The following CNGA2 variants were observed in gnomAD, a reference collection of about 807,000 sequenced individuals.
The protein encoded by CNGA2 is cyclic nucleotide gated channel subunit alpha 2.
In CNGA2, 22 loss-of-function variants were observed where a neutral mutation model predicts 35.9. That is an observed-to-expected ratio of 0.61 (90% confidence interval 0.44 to 0.88). CNGA2 has a LOEUF of 0.88. CNGA2 is among the 40% of genes least tolerant of loss of function. The probability of loss-of-function intolerance (pLI) is 0.00; values close to 1 mark genes in which losing one functional copy is unlikely to be tolerated. For synonymous variants in CNGA2, 217 were observed against 209.2 expected, an observed-to-expected ratio of 1.04 and a Z score of -0.32; for missense variants, 555 against 530.8, an observed-to-expected ratio of 1.05 and a Z score of -0.45.
chrX:151,738,594 G>A lies in CNGA2; in HGVS notation c.110+1G>A. The A allele has an allele frequency of 1.7e-6, 2 of 1,197,808 alleles. No individual in the cohort carries two copies. Among genetic ancestry groups the A allele is most frequent in the South Asian group, 1.8e-5 (1 of 56,429 alleles). Reference sequence around the variant, plus strand: ...AAGATGACCACAGGACAAGCAGCAGGTGAGTCTGCATGGTATCAGGGAAGG... The same window carrying A: ...AAGATGACCACAGGACAAGCAGCAGATGAGTCTGCATGGTATCAGGGAAGG... On this transcript the variant is annotated splice_donor_variant, in intron 2 of 6. Transcript: ENST00000329903. LOFTEE classifies it high-confidence loss of function.
intron 6 of CNGA2, among the ~76,000 whole-genome samples, 169 bp from the exon 7 acceptor site, chrX:151,742,924 G>A (rs1413583339): frequency 1.8e-3 from 106 of 60,252 alleles, no homozygotes; most frequent in African/African-American, 0.011. Context: ...CTATAGGGAA[G>A]GATATATATA....
chrX:151,742,615 G>A lies in CNGA2; in HGVS notation c.562G>A (p.Ala188Thr). 8.3e-7 allele frequency: 1 copy of A among 1,208,174 alleles called. No individual in the cohort carries two copies. Among genetic ancestry groups the A allele is most frequent in the Non-Finnish European group, 1.1e-6 (1 of 893,577 alleles). The change falls in exon 6 of 7, where the codon GCG becomes ACG. Residue 188 changes from alanine to threonine, a missense_variant. Transcript: ENST00000329903. The stretch of plus-strand genomic sequence containing the variant: ...TTATGTCTCAGATGTGGTCTACATT[G>A]CGGACCTCTTCATCCGATTGCGCAC... ...LDYVSDVVYI[A>T]DLFIRLRTGF... is the part of the protein sequence containing the mutation.
rs760240751 is a variant in CNGA2 at position 151,744,046 on chromosome X, G to T, written c.1543G>T (p.Ala515Ser). 4.1e-6 allele frequency: 5 copies of T among 1,209,227 alleles called. No homozygotes were observed. Among genetic ancestry groups the T allele is most frequent in the Non-Finnish European group, 5.6e-6 (5 of 895,156 alleles). ...DGVTQYALLS[A>S]GSCFGEISIL... ...TGTGACTCAGTATGCTCTGCTGTCG[G>T]CTGGAAGCTGCTTTGGCGAGATCAG... The change falls in exon 7 of 7, where the codon GCT becomes TCT. Residue 515 changes from alanine (A) to serine (S), a missense_variant. Coordinates refer to ENST00000329903, the MANE Select transcript of CNGA2 (RefSeq NM_005140.3).
In CNGA2 at chrX:151,743,831, A is replaced by G. The variant is rs773897889; in HGVS notation, c.1328A>G (p.Asn443Ser). 1.7e-6 allele frequency: 2 copies of G among 1,209,844 alleles called. No homozygotes were observed. The highest frequency in any genetic ancestry group is 1.1e-6 in the Non-Finnish European group (1 of 895,264). The change falls in exon 7 of 7, where the codon AAT (asparagine) becomes AGT (serine). Residue 443 changes from asparagine to serine, a missense_variant. By Grantham distance (46) the Asn-to-Ser change is conservative. Transcript: ENST00000329903. ...AAGCTCAGGGCTGAGATAGCCATCA[A>G]TGTCCACTTGTCCACACTCAAGAAA... Reference protein sequence around the residue: ...PAKLRAEIAINVHLSTLKKVR... With the variant: ...PAKLRAEIAISVHLSTLKKVR...
Position 151,743,355 on chromosome X carries a change from C to A in CNGA2, c.852C>A (p.Val284=), listed in dbSNP as rs147677240. The change falls in exon 7 of 7, where the codon GTC becomes GTA. Residue 284 remains valine (V), a synonymous_variant. Coordinates refer to ENST00000329903, the MANE Select transcript of CNGA2 (RefSeq NM_005140.3). ...GCAACCTTGTCCTCTACATCTTGGT[C>A]ATCATCCACTGGAATGCCTGCATCT... ...RISNLVLYIL[V]IIHWNACIYY... 1 of 1,206,430 alleles carries A rather than the reference C, an allele frequency of 8.3e-7. No homozygotes were observed. Among genetic ancestry groups the A allele is most frequent in the East Asian group, 3.0e-5 (1 of 33,614 alleles).
In CNGA2 at chrX:151,744,151, T is replaced by C. The variant is rs1221020217; in HGVS notation, c.1648T>C (p.Cys550Arg). The change falls in exon 7 of 7, where the codon TGC (cysteine) becomes CGC (arginine). Residue 550 changes from cysteine (C) to arginine (R), a missense_variant. Physicochemically the swap from Cys to Arg is radical, Grantham distance 180 (BLOSUM62 -3). Transcript: ENST00000329903. ...CAGCCTGGGCTACTCAGATCTCTTC[T>C]GCTTGTCCAAGGATGATCTTATGGA... ...IRSLGYSDLF[C>R]LSKDDLMEAV... 1.7e-6 allele frequency: 2 copies of C among 1,207,902 alleles called. No homozygotes were observed. The highest frequency in any genetic ancestry group is 2.2e-6 in the Non-Finnish European group (2 of 894,812).
In CNGA2 at chrX:151,738,882, G is replaced by A. The variant is rs1338043855; in HGVS notation, c.203+3G>A. 1 of 1,158,632 alleles carries A rather than the reference G, an allele frequency of 8.6e-7. No homozygotes were observed. Among genetic ancestry groups the A allele is most frequent in the South Asian group, 1.9e-5 (1 of 51,360 alleles). ...CAGGGAAGGAGTGGCTTCCGCAGGT[G>A]GGTCCCACCACTACCCTGCTGCTTC... On this transcript the variant is annotated splice_donor_region_variant and intron_variant, in intron 3 of 6. Transcript: ENST00000329903.
At chrX:151,737,565 A>G (rs370464343) in intron 1 of CNGA2, among the ~76,000 whole-genome samples, 6 of 110,748 alleles carry the variant, frequency 5.4e-5, no homozygotes, top group Non-Finnish European at 1.1e-4. Context: ...CTTGGGCTCC[A>G]TTGGTACTCT....
At chrX:151,742,959 T>TATAC (rs1569428297) in intron 6 of CNGA2, 134 bp from the exon 7 acceptor site, 1 of 75,282 alleles carries the variant, frequency 1.3e-5, no homozygotes, top group African/African-American at 6.9e-5. Flanking sequence ...TATATATATA[T>TATAC]GTATATATAT....
intron 1 of CNGA2, among the ~76,000 whole-genome samples, chrX:151,737,905 C>T (rs1410104979): frequency 1.9e-5 from 2 of 106,958 alleles, no homozygotes; most frequent in African/African-American, 3.4e-5. Context: ...CTCTCTACCC[C>T]ACACCTCCCC....
At chrX:151,738,436 T>G (rs757386545) in intron 1 of CNGA2, 22 bp from the exon 2 acceptor site, 10 of 1,058,744 alleles carry the variant, frequency 9.4e-6, no homozygotes, top group African/African-American at 3.7e-5. Context: ...TGTGACCTTC[T>G]TCTTGGCCCT....
At chrX:151,743,049 T>TATATATATATATATAC (rs2015332694) in intron 6 of CNGA2, 44 bp from the exon 7 acceptor site, 1 of 661,777 alleles carries the variant, frequency 1.5e-6, no homozygotes, top group Non-Finnish European at 2.3e-6. Flanking sequence ...TGTATATATA[T>TATATATATATATATAC]ACCCTGAGGG....
chrX:151,738,070 A>G (rs1246291111), intron 1 of CNGA2, among the ~76,000 whole-genome samples: 1 of 107,973 alleles, frequency 9.3e-6, no homozygotes. Context: ...TCGGCAGCTT[A>G]AATATGTGCC....
intron 1 of CNGA2, among the ~76,000 whole-genome samples, chrX:151,736,736 G>A (rs1243740271): frequency 9.0e-6 from 1 of 110,817 alleles, no homozygotes; most frequent in Non-Finnish European, 1.9e-5. Context: ...AGAAGGAGCA[G>A]GGGTCATGGG....
intron 4 of CNGA2, 55 bp downstream of exon 4, chrX:151,739,787 G>C (rs1436933123): frequency 8.7e-7 from 1 of 1,144,373 alleles, no homozygotes; most frequent in African/African-American, 1.8e-5. Context: ...CAATGGAAGA[G>C]CTCACTGGGG....
At position 151,744,311 on chromosome X, in the gene CNGA2, A is replaced by T; in HGVS notation, c.1808A>T (p.Gln603Leu). The T allele has an allele frequency of 8.3e-7, 1 of 1,211,470 alleles. No homozygotes were observed. The highest frequency in any genetic ancestry group is 3.0e-5 in the East Asian group (1 of 33,818). ...GTCGACGTGCAGGAGAAGCTAGGGC[A>T]GCTGGAGACCAACATGGAAACCTTG... is the stretch of plus-strand genomic sequence containing the variant. ...MEVDVQEKLG[Q>L]LETNMETLYT... The change falls in exon 7 of 7, where the codon CAG becomes CTG. Residue 603 changes from glutamine to leucine, a missense_variant. By Grantham distance (113) the Gln-to-Leu change is moderately radical (BLOSUM62 -2). Coordinates refer to ENST00000329903, the MANE Select transcript of CNGA2 (RefSeq NM_005140.3).
chrX:151,743,433 A>G lies in CNGA2; in HGVS notation c.930A>G (p.Pro310=). 8.3e-7 allele frequency: 1 copy of G among 1,210,910 alleles called. No individual in the cohort carries two copies. Among genetic ancestry groups the G allele is most frequent in the Non-Finnish European group, 1.1e-6 (1 of 895,300 alleles). The change falls in exon 7 of 7, where the codon CCA becomes CCG. Residue 310 remains proline, a synonymous_variant. Coordinates refer to ENST00000329903, the MANE Select transcript of CNGA2 (RefSeq NM_005140.3). ...IGFGVDTWVY[P]NITDPEYGYL... ...TTGGGGTCGACACCTGGGTTTACCC[A>G]AACATCACTGACCCTGAGTATGGCT...
chrX:151,744,063 C>T lies in CNGA2; in HGVS notation c.1560C>T (p.Gly520=), dbSNP rs776202472. 2.8e-5 allele frequency: 34 copies of T among 1,208,859 alleles called. No individual in the cohort carries two copies. The highest frequency in any genetic ancestry group is 7.0e-5 in the African/African-American group (4 of 56,792). Reference sequence around the variant, plus strand: ...TGCTGTCGGCTGGAAGCTGCTTTGGCGAGATCAGTATCCTTAACATTAAGG... The same window carrying T: ...TGCTGTCGGCTGGAAGCTGCTTTGGTGAGATCAGTATCCTTAACATTAAGG... The part of the protein sequence containing the change: ...YALLSAGSCF[G]EISILNIKGS... Residue 520 remains glycine, a synonymous_variant, in exon 7 of 7, where the codon GGC becomes GGT. Transcript: ENST00000329903.
Position 151,739,759 on chromosome X carries a change from A to C in CNGA2, c.374+27A>C, listed in dbSNP as rs889825941. 4 of 1,199,242 alleles carry C rather than the reference A, an allele frequency of 3.3e-6. No individual in the cohort carries two copies. In the Admixed American group the frequency reaches 8.8e-5, roughly 26 times the overall value. On this transcript the variant is annotated intron_variant, in intron 4 of 6. Coordinates refer to ENST00000329903, the MANE Select transcript of CNGA2 (RefSeq NM_005140.3). The stretch of plus-strand genomic sequence containing the variant: ...TACAGCTGTTCAGCCTATGGGACTC[A>C]AATGGGCTTTAAGCATGCAATGGAA...
Sources: gnomAD v4.1 joint callset for allele counts (sites outside exome capture counted in the v4.1 genomes callset) on GRCh38, gnomAD v4.1.1 for gene constraint, MANE v1.5 for transcripts, NCBI Gene and HGNC (gene_info 2026-07-23, HGNC 2026-07-21) for gene names.